Variants in KIAA1614 observed in about 807,000 individuals in gnomAD.
KIAA1614 encodes KIAA1614, also known as uncharacterized protein KIAA1614.
A neutral mutation model predicts 88.7 loss-of-function variants in KIAA1614; 76 were observed. The ratio of observed to expected loss-of-function variants is 0.86; its 90% confidence interval spans 0.71 to 1.04. The LOEUF is 1.04. Among genes scored for constraint, KIAA1614 ranks in the 50% least tolerant of loss-of-function variants. KIAA1614 has a pLI of 0.00. For synonymous variants in KIAA1614, 714 were observed against 675.5 expected (o/e 1.06, Z -0.88); for missense variants, 1,553 against 1,582.5 (o/e 0.98, Z 0.32).
rs757389090 is a variant in KIAA1614, at chr1:180,928,394, C to T, written c.1062-36C>T. On this transcript the variant is annotated intron_variant, in intron 3 of 8. Coordinates refer to ENST00000367588, the MANE Select transcript of KIAA1614 (RefSeq NM_020950.2). ...AATCTGCGTTATTTTCCTCTAATCC[C>T]TCCCCCACCACCCTGGCCTGTGTGC... is the stretch of plus-strand genomic sequence containing the variant. 6.0e-6 allele frequency: 9 copies of T among 1,493,778 alleles called. No homozygotes were observed. In the South Asian group the frequency reaches 8.1e-5, roughly 13 times the overall value. 92.5% of individuals were successfully genotyped at this position (1,493,778 alleles called of 1,614,324 possible). A position where few individuals can be genotyped will look rare whatever the true frequency, so the allele number is the denominator to read the frequency against.
At chr1:180,942,473 G>T (rs193025112) in intron 7 of KIAA1614, among the ~76,000 whole-genome samples, 1 of 152,324 alleles carries the variant, frequency 6.6e-6, no homozygotes, top group Non-Finnish European at 1.5e-5. Flanking sequence ...GGCTGCAGGC[G>T]AGAAGAGGAT....
rs1355148836 is a variant in KIAA1614, at chr1:180,913,042, G to C, written c.-202G>C. ...GGCGCTGCGCCGGCCAGACCCACCC[G>C]GGGCCCGGGGGCTGCCAGCAGAGCC... On this transcript the variant is annotated 5_prime_UTR_variant, in exon 1 of 9. Transcript: ENST00000367588. 1.3e-5 allele frequency: 4 copies of C among 307,702 alleles called. No homozygotes were observed. The highest frequency in any genetic ancestry group is 2.4e-5 in the Non-Finnish European group (4 of 169,884). The allele number at this position is 307,702 out of a possible 1,614,324, so 19.1% of individuals were successfully genotyped here.
At chr1:180,917,192 G>A (rs1216293160) in intron 2 of KIAA1614, 92 bp downstream of exon 2, 3 of 986,968 alleles carry the variant, frequency 3.0e-6, no homozygotes, top group Admixed American at 4.9e-5. Context: ...CAGAGGGAGT[G>A]GGGCAGGAAA....
At position 180,938,635 on chromosome 1, in the gene KIAA1614, G is replaced by A. The variant is rs1391737482; in HGVS notation, c.2842G>A (p.Glu948Lys). ...TGITLSLSSE[E>K]SESSKESEGS... ...CATCACCCTCTCCCTGTCCTCAGAGGAGTCAGAGTCCAGCAAGGAATCAGA... is the reference window on the plus strand; with the variant it reads ...CATCACCCTCTCCCTGTCCTCAGAGAAGTCAGAGTCCAGCAAGGAATCAGA... The change falls in exon 6 of 9, where the codon GAG becomes AAG. Residue 948 changes from glutamate (E) to lysine (K), a missense_variant. Transcript: ENST00000367588. The A allele has an allele frequency of 4.3e-6, 7 of 1,614,194 alleles. No homozygotes were observed. In the Admixed American group the frequency reaches 5.0e-5, roughly 12 times the overall value.
chr1:180,947,785 C>T lies in KIAA1614; in HGVS notation c.*2197C>T, dbSNP rs1467834044. 1 of 152,196 alleles carries T rather than the reference C, an allele frequency of 6.6e-6. No homozygotes were observed. Among genetic ancestry groups the T allele is most frequent in the East Asian group, 1.9e-4 (1 of 5,194 alleles). 9.4% of individuals were successfully genotyped at this position (152,196 alleles called of 1,614,324 possible). ...AATCTGTGAAATGAGGATGACAAAA[C>T]CTACCTAGAAGAGTCATAAGGAGCA... On this transcript the variant is annotated 3_prime_UTR_variant, in exon 9 of 9. Coordinates refer to ENST00000367588, the MANE Select transcript of KIAA1614 (RefSeq NM_020950.2).
At chr1:180,923,313 C>T (rs1291009403) in intron 3 of KIAA1614, among the ~76,000 whole-genome samples, 2 of 152,196 alleles carry the variant, frequency 1.3e-5, no homozygotes, top group Non-Finnish European at 2.9e-5. Flanking sequence ...TTTCTGGTGA[C>T]CAGCCCACAT....
At chr1:180,927,222 C>T (rs1450953473) in intron 3 of KIAA1614, among the ~76,000 whole-genome samples, 2 of 152,276 alleles carry the variant, frequency 1.3e-5, no homozygotes, top group South Asian at 2.1e-4. Flanking sequence ...GGTCTGAGAT[C>T]AGGACCTGCT....
chr1:180,927,990 A>T (rs1405473902), intron 3 of KIAA1614, among the ~76,000 whole-genome samples: 1 of 152,204 alleles, frequency 6.6e-6, no homozygotes, highest in Non-Finnish European at 1.5e-5. Context: ...GCAGAGAGAC[A>T]GAAGGAGAGA....
rs1370262603 is a variant in KIAA1614, at chr1:180,945,394, T to A, written c.3379T>A (p.Phe1127Ile). ...CACCGTGGGCCGCCTGGTGGAGGTG[T>A]TCCCAGACGGCACCAGCCAGCTGCA... Reference protein sequence around the residue: ...ARTVGRLVEVFPDGTSQLQLQ... With the variant: ...ARTVGRLVEVIPDGTSQLQLQ... The change falls in exon 9 of 9, where the codon TTC (phenylalanine) becomes ATC (isoleucine). Residue 1127 changes from phenylalanine to isoleucine, a missense_variant. Physicochemically the swap from Phe to Ile is conservative, Grantham distance 21 (BLOSUM62 0). Coordinates refer to ENST00000367588, the MANE Select transcript of KIAA1614 (RefSeq NM_020950.2). 1.9e-6 allele frequency: 3 copies of A among 1,601,910 alleles called. No homozygotes were observed. The highest frequency in any genetic ancestry group is 1.1e-5 in the South Asian group (1 of 89,624).
chr1:180,916,673 C>G lies in KIAA1614; in HGVS notation c.570C>G (p.Ala190=). Residue 190 remains alanine (A), a synonymous_variant, in exon 2 of 9, where the codon GCC becomes GCG. Coordinates refer to ENST00000367588, the MANE Select transcript of KIAA1614 (RefSeq NM_020950.2). ...CNRGSPWPPE[A]EWTLPDHDRG... The stretch of plus-strand genomic sequence containing the variant: ...GGGGGAGCCCGTGGCCTCCAGAAGC[C>G]GAATGGACACTTCCTGACCATGACA... The G allele has an allele frequency of 6.2e-7, 1 of 1,603,204 alleles. No homozygotes were observed. The highest frequency in any genetic ancestry group is 1.1e-5 in the South Asian group (1 of 89,808).
In KIAA1614 at chr1:180,916,682, A is replaced by G; in HGVS notation, c.579A>G (p.Thr193=). 1 of 1,605,718 alleles carries G rather than the reference A, an allele frequency of 6.2e-7. No homozygotes were observed. The highest frequency in any genetic ancestry group is 8.5e-7 in the Non-Finnish European group (1 of 1,174,872). ...GSPWPPEAEW[T]LPDHDRGPLL... Reference sequence around the variant, plus strand: ...CGTGGCCTCCAGAAGCCGAATGGACACTTCCTGACCATGACAGAGGTCCGC... The same window carrying G: ...CGTGGCCTCCAGAAGCCGAATGGACGCTTCCTGACCATGACAGAGGTCCGC... The change falls in exon 2 of 9, where the codon ACA becomes ACG. Residue 193 remains threonine (T), a synonymous_variant. Coordinates refer to ENST00000367588, the MANE Select transcript of KIAA1614 (RefSeq NM_020950.2).
At position 180,916,372 on chromosome 1, in the gene KIAA1614, T is replaced by C; in HGVS notation, c.269T>C (p.Leu90Ser). The C allele has an allele frequency of 1.2e-6, 2 of 1,614,138 alleles. No homozygotes were observed. The highest frequency in any genetic ancestry group is 1.7e-5 in the Admixed American group (1 of 60,018). The change falls in exon 2 of 9, where the codon TTG becomes TCG. Residue 90 changes from leucine (L) to serine (S), a missense_variant. Transcript: ENST00000367588. ...PSVLESKVRA[L>S]KEKMTVAKQG... is the part of the protein sequence containing the mutation. Reference sequence around the variant, plus strand: ...GTGCTGGAATCCAAGGTGAGGGCTTTGAAGGAGAAGATGACAGTGGCCAAA... The same window carrying C: ...GTGCTGGAATCCAAGGTGAGGGCTTCGAAGGAGAAGATGACAGTGGCCAAA...
chr1:180,916,398 CAG>C lies in KIAA1614; in HGVS notation c.296_297del (p.Gln99ArgfsTer50). 6.2e-7 allele frequency: 1 copy of C among 1,614,210 alleles called. No individual in the cohort carries two copies. Among genetic ancestry groups the C allele is most frequent in the Non-Finnish European group, 8.5e-7 (1 of 1,180,030 alleles). On this transcript the variant is annotated frameshift_variant, in exon 2 of 9. Transcript: ENST00000367588. LOFTEE classifies it high-confidence loss of function. ...GAAGGAGAAGATGACAGTGGCCAAA[CAG>C]GGAGTGAGTCCCTGCTCTGCTTCCC... is the stretch of plus-strand genomic sequence containing the variant. The part of the protein sequence containing the change: ...ALKEKMTVAK[Q>X]GVSPCSASQE...
At chr1:180,914,373 A>G (rs1653731503) in intron 1 of KIAA1614, among the ~76,000 whole-genome samples, 1 of 152,206 alleles carries the variant, frequency 6.6e-6, no homozygotes, top group Non-Finnish European at 1.5e-5. Context: ...GAACATTATC[A>G]TTTACAGAAT....
Position 180,935,172 on chromosome 1 carries a change from C to G in KIAA1614, c.1263C>G (p.Ser421Arg), listed in dbSNP as rs771208052. ...GGACGACCCCTGCCTGCAGAGACAG[C>G]CTCCAGAACGGGCACACGAGCGATT... ...DPRTTPACRD[S>R]LQNGHTSDSS... is the part of the protein sequence containing the mutation. Residue 421 changes from serine (S) to arginine (R), a missense_variant, in exon 5 of 9, where the codon AGC (serine) becomes AGG (arginine). Transcript: ENST00000367588. This position sits in a 1 kb window ranked among gnomAD's most constrained non-coding sequence, Gnocchi z 6.1. The G allele has an allele frequency of 3.1e-5, 45 of 1,465,930 alleles. No individual in the cohort carries two copies. Among genetic ancestry groups the G allele is most frequent in the Non-Finnish European group, 3.6e-5 (40 of 1,108,742 alleles). 90.8% of individuals were successfully genotyped at this position (1,465,930 alleles called of 1,614,324 possible).
At chr1:180,924,593 C>A (rs1174253660) in intron 3 of KIAA1614, among the ~76,000 whole-genome samples, 1 of 152,236 alleles carries the variant, frequency 6.6e-6, no homozygotes, top group Non-Finnish European at 1.5e-5. Flanking sequence ...ACAGGAGGGC[C>A]TATTGACTGT....
At position 180,919,553 on chromosome 1, in the gene KIAA1614, C is replaced by T. The variant is rs527349296; in HGVS notation, c.1061+1639C>T. Among the ~76,000 whole-genome samples the T allele has an allele frequency of 1.4e-4, 21 of 152,238 alleles. No individual in the cohort carries two copies. The East Asian group carries it at 2.3e-3, about 17-fold the overall frequency. On this transcript the variant is annotated intron_variant, in intron 3 of 8. Coordinates refer to ENST00000367588, the MANE Select transcript of KIAA1614 (RefSeq NM_020950.2). ...ATGCCCTCTTCTGCAGAGGTGGTGC[C>T]GCCTCTGCCTGCAGCTGCCCCCACC...
chr1:180,944,178 C>T (rs920689525), intron 7 of KIAA1614: 6 of 385,936 alleles, frequency 1.6e-5, no homozygotes, highest in African/African-American at 2.0e-5. Context: ...AAAAGCAAAA[C>T]AAAAACTCCC....
rs7525223 is a variant in KIAA1614, at chr1:180,948,139, A to G, written c.*2551A>G. On this transcript the variant is annotated 3_prime_UTR_variant, in exon 9 of 9. Transcript: ENST00000367588. ...CCAGGCACTCCCTGGTCCTGCTGCC[A>G]TCATGGGCGCTGGATGGCACACAGG... 0.41 allele frequency: 62,669 copies of G among 152,104 alleles called. 14,162 individuals carry two copies. The highest frequency in any genetic ancestry group is 0.59 in the African/African-American group (24,284 of 41,506). The allele number at this position is 152,104 out of a possible 1,614,324, so 9.4% of individuals were successfully genotyped here.
Sources: gnomAD v4.1 joint callset for allele counts (sites outside exome capture counted in the v4.1 genomes callset) on GRCh38, gnomAD v4.1.1 for gene constraint, Gnocchi (gnomAD v3.1) non-coding constraint, MANE v1.5 for transcripts, NCBI Gene and HGNC (gene_info 2026-07-23, HGNC 2026-07-21) for gene names.